Variants in NPY2R observed in about 807,000 individuals in gnomAD.
NPY2R encodes neuropeptide Y receptor type 2.
A neutral mutation model predicts 22.3 loss-of-function variants in NPY2R; 17 were observed. The ratio of observed to expected loss-of-function variants is 0.76; its 90% confidence interval spans 0.52 to 1.14. The LOEUF (loss-of-function observed/expected upper bound fraction) is 1.14. Among genes scored for constraint, NPY2R ranks in the 50% most tolerant of loss-of-function variants. The probability of loss-of-function intolerance (pLI) is 0.00; values close to 1 mark genes in which losing one functional copy is unlikely to be tolerated. For missense variants in NPY2R, 424 were observed against 467.9 expected (o/e 0.91, Z 0.87); for synonymous variants, 209 against 183.4 (o/e 1.14, Z -1.13).
chr4:155,180,824 A>G, the NPY2R span, among the ~76,000 whole-genome samples: 1 of 151,506 alleles, frequency 6.6e-6, no homozygotes, highest in Non-Finnish European at 1.5e-5. Flanking sequence ...TAACATTTTT[A>G]TTTATATTTG....
At chr4:155,180,200 A>C in the NPY2R span, among the ~76,000 whole-genome samples, 2 of 152,098 alleles carry the variant, frequency 1.3e-5, no homozygotes, top group African/African-American at 4.8e-5. Flanking sequence ...AATTACAGGC[A>C]TGAGCTGCTG....
the NPY2R span, among the ~76,000 whole-genome samples, chr4:155,200,516 G>A: frequency 6.6e-6 from 1 of 152,038 alleles, no homozygotes; most frequent in African/African-American, 2.4e-5. Flanking sequence ...TATACTCAAA[G>A]GAATATAGAT....
the NPY2R span, among the ~76,000 whole-genome samples, chr4:155,176,937 G>A: frequency 6.6e-6 from 1 of 152,084 alleles, no homozygotes; most frequent in Non-Finnish European, 1.5e-5. Flanking sequence ...GCAGAAAAGG[G>A]CCTAAGCTAG....
the NPY2R span, among the ~76,000 whole-genome samples, chr4:155,178,972 T>G: frequency 6.6e-6 from 1 of 152,202 alleles, no homozygotes; most frequent in African/African-American, 2.4e-5. Flanking sequence ...ATTCTTCATT[T>G]TTGCTAGTTT....
At chr4:155,192,949 G>A in the NPY2R span, among the ~76,000 whole-genome samples, 1 of 151,904 alleles carries the variant, frequency 6.6e-6, no homozygotes, top group Non-Finnish European at 1.5e-5. Flanking sequence ...TTTCTGGTAT[G>A]AGTGTCCATT....
chr4:155,198,560 T>TTTG, the NPY2R span, among the ~76,000 whole-genome samples: 1 of 78,716 alleles, frequency 1.3e-5, no homozygotes. Context: ...TATAAATATA[T>TTTG]AATATATTTG....
At position 155,213,060 on chromosome 4, in the gene NPY2R, G is replaced by C. The variant is rs1052917721; in HGVS notation, c.-48-832G>C. 1.3e-5 allele frequency among the ~76,000 whole-genome samples: 2 copies of C among 152,180 alleles called. 1 individual carries two copies. The highest frequency in any genetic ancestry group is 2.9e-5 in the Non-Finnish European group (2 of 68,014). On this transcript the variant is annotated intron_variant, in intron 1 of 1. Coordinates refer to ENST00000329476, the MANE Select transcript of NPY2R (RefSeq NM_000910.4). ...AATCAAATACAATAGGTTCTCATTTGTAAGTAGGAGCTAAGCTGTGGGTAC... is the reference window on the plus strand; with the variant it reads ...AATCAAATACAATAGGTTCTCATTTCTAAGTAGGAGCTAAGCTGTGGGTAC...
chr4:155,177,931 C>G, the NPY2R span, among the ~76,000 whole-genome samples: 1 of 152,072 alleles, frequency 6.6e-6, no homozygotes, highest in African/African-American at 2.4e-5. Context: ...ACCTTCAAAC[C>G]ATAGCACCTG....
At chr4:155,202,885 C>T in the NPY2R span, among the ~76,000 whole-genome samples, 3 of 152,070 alleles carry the variant, frequency 2.0e-5, no homozygotes, top group Non-Finnish European at 4.4e-5. Context: ...CATGTTTCCT[C>T]TTTAGCCATG....
chr4:155,211,809 G>T (rs1459916837), intron 1 of NPY2R, among the ~76,000 whole-genome samples: 1 of 152,062 alleles, frequency 6.6e-6, no homozygotes, highest in African/African-American at 2.4e-5. Context: ...GTGTGACCAA[G>T]GCCCCCGGAA....
chr4:155,201,074 C>T, the NPY2R span, among the ~76,000 whole-genome samples: 2 of 152,008 alleles, frequency 1.3e-5, no homozygotes, highest in African/African-American at 4.8e-5. Context: ...ATATATACTG[C>T]AAGGCAAAGG....
chr4:155,206,134 TG>T (rs779963224), upstream of NPY2R, among the ~76,000 whole-genome samples: 2 of 152,216 alleles, frequency 1.3e-5, no homozygotes, highest in Non-Finnish European at 2.9e-5. Flanking sequence ...GGTCCATTTA[TG>T]TCATTGGCCC....
the NPY2R span, among the ~76,000 whole-genome samples, chr4:155,198,866 C>T: frequency 7.6e-4 from 115 of 151,946 alleles, 1 homozygote; most frequent in Admixed American, 2.6e-3. Flanking sequence ...ACACTTCCTT[C>T]CTCCTGGGCT....
At chr4:155,204,949 C>G (rs1273722472), upstream of NPY2R, among the ~76,000 whole-genome samples, 1 of 151,946 alleles carries the variant, frequency 6.6e-6, no homozygotes, top group Non-Finnish European at 1.5e-5. Flanking sequence ...GGCAGTCGGC[C>G]CTGCAGAACC....
At position 155,214,372 on chromosome 4, in the gene NPY2R, G is replaced by T. The variant is rs753262240; in HGVS notation, c.433G>T (p.Ala145Ser). 2.5e-6 allele frequency: 4 copies of T among 1,614,148 alleles called. No homozygotes were observed. In the East Asian group the frequency reaches 6.7e-5, roughly 27 times the overall value. ...ATCCACAATCACCTTGACAGTAATT[G>T]CCCTGGACCGGCACAGGTGCATCGT... ...QVSTITLTVIALDRHRCIVYH... is the reference protein window; with the variant it reads ...QVSTITLTVISLDRHRCIVYH... The change falls in exon 2 of 2, where the codon GCC becomes TCC. Residue 145 changes from alanine (A) to serine (S), a missense_variant. By Grantham distance (99) the Ala-to-Ser change is moderately conservative. Coordinates refer to ENST00000329476, the MANE Select transcript of NPY2R (RefSeq NM_000910.4).
At chr4:155,189,519 T>A in the NPY2R span, among the ~76,000 whole-genome samples, 1 of 152,060 alleles carries the variant, frequency 6.6e-6, no homozygotes, top group Non-Finnish European at 1.5e-5. Context: ...ATTTTTAAAA[T>A]GTATCTCTTG....
intron 1 of NPY2R, among the ~76,000 whole-genome samples, chr4:155,209,878 T>A (rs1729366187): frequency 6.6e-6 from 1 of 152,068 alleles, no homozygotes; most frequent in Non-Finnish European, 1.5e-5. Flanking sequence ...GATTTAAACA[T>A]CTCTCCTCAA....
chr4:155,185,048 T>A, the NPY2R span, among the ~76,000 whole-genome samples: 214 of 139,606 alleles, frequency 1.5e-3, 1 homozygote, highest in African/African-American at 5.4e-3. Flanking sequence ...ATATATATTT[T>A]TTTTTTCCTG....
chr4:155,195,496 G>A, the NPY2R span, among the ~76,000 whole-genome samples: 12 of 151,836 alleles, frequency 7.9e-5, no homozygotes, highest in African/African-American at 2.7e-4. Context: ...CCACAGTTAA[G>A]AAATATAGCC....
Sources: allele counts gnomAD v4.1 joint callset (sites outside exome capture counted in the v4.1 genomes callset), GRCh38; gene constraint gnomAD v4.1.1; transcripts MANE v1.5; gene names NCBI Gene and HGNC (gene_info 2026-07-23, HGNC 2026-07-21).